Variants in ITGB3BP observed in about 807,000 individuals in gnomAD.
ITGB3BP encodes the protein integrin subunit beta 3 binding protein.
A neutral mutation model predicts 29.1 loss-of-function variants in ITGB3BP; 27 were observed. That is an observed-to-expected ratio of 0.93 (90% CI 0.68 to 1.28). The LOEUF is 1.28. ITGB3BP is among the 50% of genes most tolerant of loss of function. The pLI is 0.00. For synonymous variants in ITGB3BP, 61 were observed against 61.4 expected, an observed-to-expected ratio of 0.99 and a Z score of 0.03; for missense variants, 192 against 200.2, an observed-to-expected ratio of 0.96 and a Z score of 0.25.
At chr1:63,445,158 C>CA (rs1343042014) in intron 8 of ITGB3BP, among the ~76,000 whole-genome samples, 1 of 151,896 alleles carries the variant, frequency 6.6e-6, no homozygotes, top group Non-Finnish European at 1.5e-5. Context: ...TGGTGGTGCT[C>CA]AACTGTAATC....
upstream of ITGB3BP, chr1:63,528,028 C>CA (rs1444271768): frequency 6.6e-6 from 1 of 152,046 alleles, no homozygotes; most frequent in Non-Finnish European, 1.5e-5. Context: ...GGAGGCTTCT[C>CA]AAAAAACTAA....
At position 63,454,155 on chromosome 1, in the gene ITGB3BP, C is replaced by T. The variant is rs1557610106; in HGVS notation, c.428-181G>A. 6.6e-6 allele frequency among the ~76,000 whole-genome samples: 1 copy of T among 151,764 alleles called. No homozygotes were observed. The highest frequency in any genetic ancestry group is 1.9e-4 in the East Asian group (1 of 5,196). ...AAAATGGGCATTACATTTGAAATGC[C>T]TACTACCAGTTTCCAAGGTGCATTC... On this transcript the variant is annotated intron_variant, in intron 6 of 8. Coordinates refer to ENST00000271002, the MANE Select transcript of ITGB3BP (RefSeq NM_014288.5). This position sits in a 1 kb window ranked among gnomAD's most constrained non-coding sequence, Gnocchi z 4.1.
chr1:63,478,660 A>C (rs1024519654), intron 4 of ITGB3BP, 104 bp downstream of exon 4: 1 of 597,870 alleles, frequency 1.7e-6, no homozygotes, highest in African/African-American at 2.0e-5. Context: ...GTCAGGTATA[A>C]ACTATTAATT....
At chr1:63,488,406 AAGTG>A (rs1293590316) in intron 3 of ITGB3BP, among the ~76,000 whole-genome samples, 1 of 152,020 alleles carries the variant, frequency 6.6e-6, no homozygotes, top group African/African-American at 2.4e-5. Context: ...GTGTGATGGG[AAGTG>A]AGTAACACCA....
At chr1:63,503,135 T>C (rs1645981481) in intron 2 of ITGB3BP, among the ~76,000 whole-genome samples, 1 of 152,182 alleles carries the variant, frequency 6.6e-6, no homozygotes, top group South Asian at 2.1e-4. Context: ...CCACCAACAC[T>C]GTAAAAGTGT....
chr1:63,523,180 G>A lies in ITGB3BP; in HGVS notation c.-47C>T, dbSNP rs370280014. The A allele has an allele frequency of 3.7e-6, 6 of 1,613,040 alleles. No homozygotes were observed. Among genetic ancestry groups the A allele is most frequent in the African/African-American group, 1.3e-5 (1 of 74,988 alleles). Reference sequence around the variant, plus strand: ...ACTGCCGCTGAATAAAACGAACCCAGCAACTTCCGAAAACAGAAAATCCGC... The same window carrying A: ...ACTGCCGCTGAATAAAACGAACCCAACAACTTCCGAAAACAGAAAATCCGC... On this transcript the variant is annotated 5_prime_UTR_variant, in exon 1 of 9. Coordinates refer to ENST00000271002, the MANE Select transcript of ITGB3BP (RefSeq NM_014288.5).
intron 4 of ITGB3BP, among the ~76,000 whole-genome samples, chr1:63,468,619 T>C (rs1307614969): frequency 6.6e-6 from 1 of 151,684 alleles, no homozygotes; most frequent in African/African-American, 2.4e-5. Context: ...CCCAGCACTT[T>C]GGGAGGCCGA....
intron 2 of ITGB3BP, among the ~76,000 whole-genome samples, chr1:63,504,902 A>G (rs980840239): frequency 6.6e-6 from 1 of 152,074 alleles, no homozygotes; most frequent in African/African-American, 2.4e-5. Context: ...GTGCTGCTGG[A>G]TTCGGTTTGC....
At chr1:63,472,953 G>A (rs1645235145) in intron 4 of ITGB3BP, among the ~76,000 whole-genome samples, 1 of 151,594 alleles carries the variant, frequency 6.6e-6, no homozygotes, top group African/African-American at 2.4e-5. Flanking sequence ...GGGATATGAG[G>A]AGCCCCTCTG....
intron 2 of ITGB3BP, among the ~76,000 whole-genome samples, chr1:63,499,574 C>A (rs11208227): frequency 0.39 from 59,953 of 151,938 alleles, 13,579 homozygotes; most frequent in Non-Finnish European, 0.52. Flanking sequence ...GACCCAAATC[C>A]CTTATAAATA....
rs146229151 is a variant in ITGB3BP at position 63,464,882 on chromosome 1, T to C, written c.255-9914A>G. ...GAGGAATGACGTACAAAAAACAGTC[T>C]ACACTATTTAAAAATATCACTGTCA... On this transcript the variant is annotated intron_variant, in intron 4 of 8. Transcript: ENST00000271002. 4.3e-3 allele frequency among the ~76,000 whole-genome samples: 654 copies of C among 152,248 alleles called. 4 individuals carry two copies. The highest frequency in any genetic ancestry group is 6.9e-3 in the Admixed American group (105 of 15,296).
In ITGB3BP at chr1:63,477,671, G is replaced by A. The variant is rs375299036; in HGVS notation, c.254+1093C>T. On this transcript the variant is annotated intron_variant, in intron 4 of 8. Transcript: ENST00000271002. ...GGAGGTTAAGGCTGCACTGAATGGCGATCACACCATTGTGCTCCAGGCTGG... is the reference window on the plus strand; with the variant it reads ...GGAGGTTAAGGCTGCACTGAATGGCAATCACACCATTGTGCTCCAGGCTGG... Among the ~76,000 whole-genome samples the A allele has an allele frequency of 3.6e-4, 55 of 151,032 alleles. No homozygotes were observed. The South Asian group carries it at 0.011, about 30-fold the overall frequency.
chr1:63,463,370 A>G (rs1645050097), intron 4 of ITGB3BP, among the ~76,000 whole-genome samples: 1 of 152,160 alleles, frequency 6.6e-6, no homozygotes, highest in Non-Finnish European at 1.5e-5. Context: ...AATTGCACAG[A>G]ACTAAATACA....
intron 2 of ITGB3BP, among the ~76,000 whole-genome samples, chr1:63,504,676 G>A (rs568636642): frequency 6.6e-6 from 1 of 152,162 alleles, no homozygotes; most frequent in African/African-American, 2.4e-5. Context: ...ATTATTTTGA[G>A]ATACGTCCCA....
chr1:63,466,133 G>T (rs1458510508), intron 4 of ITGB3BP, among the ~76,000 whole-genome samples: 1 of 152,072 alleles, frequency 6.6e-6, no homozygotes, highest in Admixed American at 6.5e-5. Context: ...ACTATCCATC[G>T]CCTTCCATGG....
At chr1:63,493,015 G>A (rs1052299560) in intron 2 of ITGB3BP, among the ~76,000 whole-genome samples, 3 of 151,798 alleles carry the variant, frequency 2.0e-5, no homozygotes, top group African/African-American at 7.2e-5. Context: ...GGAGGCTGAG[G>A]TGGGAAGATC....
At chr1:63,521,169 A>G (rs1366653625) in intron 1 of ITGB3BP, among the ~76,000 whole-genome samples, 1 of 152,136 alleles carries the variant, frequency 6.6e-6, no homozygotes, top group African/African-American at 2.4e-5. Flanking sequence ...TCACCATTTC[A>G]ACATCACTTA....
chr1:63,503,168 C>T (rs1449309239), intron 2 of ITGB3BP, among the ~76,000 whole-genome samples: 1 of 152,112 alleles, frequency 6.6e-6, no homozygotes, highest in Non-Finnish European at 1.5e-5. Context: ...ACATCCTCTC[C>T]AGCACCTGTT....
rs10693054 is a variant in ITGB3BP, at chr1:63,463,249, CAAA to C, written c.255-8284_255-8282del. ...GGGCAACAAGAGCGAAACTCTGTCT[CAAA>C]AAAAAAAAAAAAAAAAAAAGTCCTA... On this transcript the variant is annotated intron_variant, in intron 4 of 8. Transcript: ENST00000271002. Among the ~76,000 whole-genome samples, 61 of 77,124 alleles carry C rather than the reference CAAA, an allele frequency of 7.9e-4. 1 individual carries two copies. In the East Asian group the frequency reaches 0.017, roughly 21 times the overall value. 50.6% of individuals were successfully genotyped at this position (77,124 alleles called of 152,430 possible).
Sources: allele counts gnomAD v4.1 joint callset (sites outside exome capture counted in the v4.1 genomes callset), GRCh38; gene constraint gnomAD v4.1.1; non-coding constraint Gnocchi (gnomAD v3.1); transcripts MANE v1.5; gene names NCBI Gene and HGNC (gene_info 2026-07-23, HGNC 2026-07-21).